Variants in HERC1 observed in about 807,000 individuals in gnomAD.
HERC1 encodes the protein probable E3 ubiquitin-protein ligase HERC1.
A neutral mutation model predicts 554.3 loss-of-function variants in HERC1; 160 were observed. The observed-to-expected ratio is 0.29, with a 90% CI of 0.25 to 0.33. HERC1 has a LOEUF of 0.33. Among genes scored for constraint, HERC1 ranks in the 10% least tolerant of loss-of-function variants. The pLI is 1.00. For synonymous variants in HERC1, 2,175 were observed against 2,131.7 expected (o/e 1.02, Z -0.56); for missense variants, 4,919 against 5,918.5 (o/e 0.83, Z 5.54).
intron 74 of HERC1, among the ~76,000 whole-genome samples, chr15:63,620,034 A>G (rs1348837219): frequency 1.3e-5 from 2 of 152,090 alleles, no homozygotes; most frequent in African/African-American, 4.8e-5. Context: ...GCCTTCTGCT[A>G]GCTTTTGAAT....
At position 63,612,872 on chromosome 15, in the gene HERC1, A is replaced by G. The variant is rs1439023517; in HGVS notation, c.14095-316T>C. On this transcript the variant is annotated intron_variant, in intron 76 of 77. Coordinates refer to ENST00000443617, the MANE Select transcript of HERC1 (RefSeq NM_003922.4). This position sits in a 1 kb window ranked among gnomAD's most constrained non-coding sequence, Gnocchi z 5.0. Reference sequence around the variant, plus strand: ...TCCCTGATGCCAGCCCCACTCACTCATATTCCTAATCATATGTGCCCATGT... The same window carrying G: ...TCCCTGATGCCAGCCCCACTCACTCGTATTCCTAATCATATGTGCCCATGT... 1.3e-5 allele frequency among the ~76,000 whole-genome samples: 2 copies of G among 152,170 alleles called. No homozygotes were observed. Among genetic ancestry groups the G allele is most frequent in the East Asian group, 1.9e-4 (1 of 5,202 alleles).
At chr15:63,656,722 G>A (rs964871292) in intron 48 of HERC1, among the ~76,000 whole-genome samples, 7 of 152,154 alleles carry the variant, frequency 4.6e-5, no homozygotes, top group African/African-American at 1.7e-4. Context: ...TCTCAGTCAC[G>A]ATGCTCTCAG....
chr15:63,628,088 C>A (rs1266656722), intron 70 of HERC1, among the ~76,000 whole-genome samples: 1 of 152,106 alleles, frequency 6.6e-6, no homozygotes, highest in Non-Finnish European at 1.5e-5. Flanking sequence ...TTTGTCATTT[C>A]TTTTATATAT....
At chr15:63,725,751 A>C (rs2074012609) in intron 17 of HERC1, among the ~76,000 whole-genome samples, 1 of 152,196 alleles carries the variant, frequency 6.6e-6, no homozygotes, top group South Asian at 2.1e-4. Flanking sequence ...TTTTAAGATA[A>C]ACATTAAAAC....
chr15:63,791,362 T>C (rs986439898), intron 1 of HERC1, among the ~76,000 whole-genome samples: 3 of 152,252 alleles, frequency 2.0e-5, no homozygotes, highest in Admixed American at 2.0e-4. Context: ...TATGTATATA[T>C]GTACGTATAC....
intron 56 of HERC1, 88 bp downstream of exon 56, chr15:63,645,395 T>C: frequency 2.1e-6 from 2 of 957,130 alleles, no homozygotes; most frequent in South Asian, 3.5e-5. Context: ...ATAAACTCTT[T>C]AAGACTACTG....
chr15:63,617,007 T>G (rs890431562), intron 74 of HERC1, among the ~76,000 whole-genome samples: 2 of 143,040 alleles, frequency 1.4e-5, no homozygotes, highest in African/African-American at 5.1e-5. Flanking sequence ...AATCATTATC[T>G]TTTTTTTTTT....
chr15:63,616,799 A>C, intron 74 of HERC1, 117 bp from the exon 75 acceptor site: 1 of 874,416 alleles, frequency 1.1e-6, no homozygotes. Flanking sequence ...GGCATCCATT[A>C]GCCACATAAG....
chr15:63,778,021 A>C (rs1181477822), intron 1 of HERC1, among the ~76,000 whole-genome samples: 1 of 152,240 alleles, frequency 6.6e-6, no homozygotes, highest in Non-Finnish European at 1.5e-5. Context: ...AGACAATGGC[A>C]GCTGCATAGC....
chr15:63,680,843 C>T lies in HERC1; in HGVS notation c.6226-67G>A. 9.7e-7 allele frequency: 1 copy of T among 1,035,900 alleles called. No individual in the cohort carries two copies. Among genetic ancestry groups the T allele is most frequent in the Non-Finnish European group, 1.5e-6 (1 of 677,588 alleles). The allele number at this position is 1,035,900 out of a possible 1,614,324, so 64.2% of individuals were successfully genotyped here. On this transcript the variant is annotated intron_variant, in intron 34 of 77. Transcript: ENST00000443617. The surrounding 1 kb of genome is among the most constrained non-coding windows in gnomAD (Gnocchi z 5.8). The stretch of plus-strand genomic sequence containing the variant: ...ATTTATATACTATTAACTGCATTAA[C>T]CAATACTGAAAATATGTTTATAAAT...
chr15:63,656,382 A>G (rs1010919329), intron 48 of HERC1, 24 bp from the exon 49 acceptor site: 9 of 1,585,732 alleles, frequency 5.7e-6, no homozygotes, highest in Non-Finnish European at 6.9e-6. Context: ...AAAACATCTC[A>G]GATGGATAAA....
Position 63,775,584 on chromosome 15 carries a change from C to T in HERC1, c.40G>A (p.Glu14Lys), listed in dbSNP as rs755877071. Residue 14 changes from glutamate (E) to lysine (K), a missense_variant, in exon 2 of 78, where the codon GAA becomes AAA. This residue lies in a region of HERC1 where 110 missense variants were observed against 99.3 expected (regional missense o/e 1.11). Transcript: ENST00000443617. This position sits in a 1 kb window ranked among gnomAD's most constrained non-coding sequence, Gnocchi z 4.0. ...GTAATCCAGGAGCTGTTCAAGTGTT[C>T]AAGCCATTTCAGCTTCACTGGTGGA... ...MIPPVKLKWL[E>K]HLNSSWITED... 1 of 1,607,072 alleles carries T rather than the reference C, an allele frequency of 6.2e-7. No homozygotes were observed. Among genetic ancestry groups the T allele is most frequent in the South Asian group, 1.1e-5 (1 of 89,494 alleles).
At chr15:63,823,875 C>G (rs553735087) in intron 1 of HERC1, among the ~76,000 whole-genome samples, 1 of 152,084 alleles carries the variant, frequency 6.6e-6, no homozygotes, top group African/African-American at 2.4e-5. Flanking sequence ...ACGTAGCCTA[C>G]GGATTTGGAG....
chr15:63,662,024 G>T lies in HERC1; in HGVS notation c.8902-3C>A. 1 of 1,606,218 alleles carries T rather than the reference G, an allele frequency of 6.2e-7. No homozygotes were observed. The highest frequency in any genetic ancestry group is 8.5e-7 in the Non-Finnish European group (1 of 1,173,414). ...CTGTCTTCAGACTCACAAACATGCTGCACAAAAGGATTTCATACCAAATGA... is the reference window on the plus strand; with the variant it reads ...CTGTCTTCAGACTCACAAACATGCTTCACAAAAGGATTTCATACCAAATGA... On this transcript the variant is annotated splice_region_variant and splice_polypyrimidine_tract_variant and intron_variant, in intron 44 of 77. Transcript: ENST00000443617.
At chr15:63,759,654 T>C (rs1241753770) in intron 3 of HERC1, among the ~76,000 whole-genome samples, 2 of 152,248 alleles carry the variant, frequency 1.3e-5, no homozygotes, top group Non-Finnish European at 2.9e-5. Context: ...GATTTTTAAA[T>C]TGACTTGTAT....
intron 25 of HERC1, among the ~76,000 whole-genome samples, chr15:63,703,519 T>C (rs2072841359): frequency 6.6e-6 from 1 of 152,220 alleles, no homozygotes; most frequent in Non-Finnish European, 1.5e-5. Flanking sequence ...CCACTGAGAC[T>C]AGTAAATGCA....
chr15:63,808,432 C>A (rs2077197927), intron 1 of HERC1, among the ~76,000 whole-genome samples: 1 of 152,140 alleles, frequency 6.6e-6, no homozygotes, highest in African/African-American at 2.4e-5. Flanking sequence ...GGACTACAAG[C>A]ACATGCTACC....
chr15:63,774,416 C>T (rs1014906309), intron 2 of HERC1, among the ~76,000 whole-genome samples: 4 of 152,050 alleles, frequency 2.6e-5, no homozygotes, highest in Non-Finnish European at 5.9e-5. Flanking sequence ...CATAAGTTCG[C>T]TAAAACATAA....
At chr15:63,704,281 T>C (rs2072885699) in intron 25 of HERC1, among the ~76,000 whole-genome samples, 1 of 152,236 alleles carries the variant, frequency 6.6e-6, no homozygotes, top group Non-Finnish European at 1.5e-5. Context: ...AATTACAGTT[T>C]TTTCTTAGTT....
Sources: allele counts gnomAD v4.1 joint callset (sites outside exome capture counted in the v4.1 genomes callset), GRCh38; gene constraint gnomAD v4.1.1; regional missense constraint gnomAD v4.1.1; non-coding constraint Gnocchi (gnomAD v3.1); transcripts MANE v1.5; gene names NCBI Gene and HGNC (gene_info 2026-07-23, HGNC 2026-07-21).